PHACTR3: variants seen among roughly 807,000 people sequenced by gnomAD.
PHACTR3 encodes the protein protein phosphatase 1, regulatory subunit 123.
PHACTR3 carries 16 observed loss-of-function variants against 66.8 expected under a neutral mutation model. That is an observed-to-expected ratio of 0.24 (90% CI 0.16 to 0.36). The LOEUF is 0.36. PHACTR3 is among the 10% of genes least tolerant of loss of function. The pLI, the probability that PHACTR3 is intolerant of heterozygous loss-of-function variation, is 1.00. For synonymous variants in PHACTR3, 323 were observed against 292.1 expected, an observed-to-expected ratio of 1.11 and a Z score of -1.08; for missense variants, 647 against 719.9, an observed-to-expected ratio of 0.90 and a Z score of 1.16.
chr20:59,648,066 G>A (rs2035342536), intron 1 of PHACTR3, among the ~76,000 whole-genome samples: 1 of 152,178 alleles, frequency 6.6e-6, no homozygotes, highest in South Asian at 2.1e-4. Flanking sequence ...GGCTTTAGTT[G>A]CTGTTGAGAA....
At chr20:59,686,683 GTGA>G (rs537137674) in intron 1 of PHACTR3, among the ~76,000 whole-genome samples, 4,317 of 145,662 alleles carry the variant, frequency 0.03, 99 homozygotes, top group Middle Eastern at 0.06. Flanking sequence ...GATGATGATG[GTGA>G]TGATGATGAT....
In PHACTR3 at chr20:59,755,248, C is replaced by T; in HGVS notation, c.425C>T (p.Pro142Leu). 2 of 1,613,964 alleles carry T rather than the reference C, an allele frequency of 1.2e-6. No homozygotes were observed. The highest frequency in any genetic ancestry group is 1.7e-6 in the Non-Finnish European group (2 of 1,180,038). Residue 142 changes from proline to leucine, a missense_variant, in exon 4 of 13, where the codon CCC (proline) becomes CTC (leucine). Pro to Leu is a moderately conservative substitution (Grantham distance 98, BLOSUM62 -3). This residue lies in a region of PHACTR3 where 577 missense variants were observed against 571.1 expected (regional missense o/e 1.01). Transcript: ENST00000371015. ...PRSVQSEPPT[P>L]KSETLTSEDA... is the part of the protein sequence containing the mutation. ...TCTGTACAGAGTGAACCACCCACTC[C>T]CAAGTCGGAGACGCTGACTTCAGAA...
chr20:59,607,705 A>G (rs1480929629), intron 1 of PHACTR3, among the ~76,000 whole-genome samples: 2 of 152,124 alleles, frequency 1.3e-5, no homozygotes, highest in African/African-American at 4.8e-5. Flanking sequence ...GGAAAATGGC[A>G]TATGGGAATG....
intron 1 of PHACTR3, among the ~76,000 whole-genome samples, chr20:59,695,651 C>T (rs2037268618): frequency 6.6e-6 from 1 of 152,014 alleles, no homozygotes; most frequent in Non-Finnish European, 1.5e-5. Flanking sequence ...TGGGGTCAGG[C>T]ATTTTTCTCT....
At position 59,837,768 on chromosome 20, in the gene PHACTR3, C is replaced by G. The variant is rs535969411; in HGVS notation, c.1384+1208C>G. On this transcript the variant is annotated intron_variant, in intron 9 of 12. Coordinates refer to ENST00000371015, the MANE Select transcript of PHACTR3 (RefSeq NM_080672.5). ...ATGCTACTAAAAGTAGCAGTCCAGA[C>G]TTGAACCAGGCAAGTTCAAGACACA... 6.6e-5 allele frequency among the ~76,000 whole-genome samples: 10 copies of G among 152,328 alleles called. No homozygotes were observed. In the South Asian group the frequency reaches 1.9e-3, roughly 28 times the overall value.
At chr20:59,767,700 G>C (rs767453503) in intron 5 of PHACTR3, among the ~76,000 whole-genome samples, 3 of 152,236 alleles carry the variant, frequency 2.0e-5, no homozygotes, top group Non-Finnish European at 4.4e-5. Flanking sequence ...GGAGTCAAAG[G>C]GGGGATCTTC....
chr20:59,840,197 T>C lies in PHACTR3; in HGVS notation c.1385-172T>C, dbSNP rs376304250. Among the ~76,000 whole-genome samples the C allele has an allele frequency of 5.4e-4, 83 of 152,308 alleles. 1 individual carries two copies. In the South Asian group the frequency reaches 0.017, roughly 30 times the overall value. On this transcript the variant is annotated intron_variant, in intron 9 of 12. Transcript: ENST00000371015. ...CAAGTATTTCTGTGTAATGAGACCA[T>C]GATCTCCTGAGCAGTGACTGACAAA...
chr20:59,598,403 G>A (rs1029435433), intron 1 of PHACTR3, among the ~76,000 whole-genome samples: 1 of 152,182 alleles, frequency 6.6e-6, no homozygotes, highest in African/African-American at 2.4e-5. Context: ...GAGGCTCAGC[G>A]GGGCCACACA....
chr20:59,609,488 C>T (rs2033784438), intron 1 of PHACTR3, among the ~76,000 whole-genome samples: 1 of 149,966 alleles, frequency 6.7e-6, no homozygotes, highest in African/African-American at 2.5e-5. Flanking sequence ...CCACCCCCAC[C>T]CTCACCCCCA....
chr20:59,767,510 C>A, intron 5 of PHACTR3, 115 bp downstream of exon 5: 1 of 1,171,850 alleles, frequency 8.5e-7, no homozygotes, highest in Admixed American at 2.1e-5. Flanking sequence ...ATTCACTCAT[C>A]CATCCATCCA....
At position 59,736,549 on chromosome 20, in the gene PHACTR3, C is replaced by T. The variant is rs145310604; in HGVS notation, c.119-6558C>T. ...TCACCCGCCCACCCGTGTAGGTGCACACCCACCCATGCCCATGCATGCTGG... is the reference window on the plus strand; with the variant it reads ...TCACCCGCCCACCCGTGTAGGTGCATACCCACCCATGCCCATGCATGCTGG... On this transcript the variant is annotated intron_variant, in intron 1 of 12. Transcript: ENST00000371015. The surrounding 1 kb of genome is among the most constrained non-coding windows in gnomAD (Gnocchi z 4.6). Among the ~76,000 whole-genome samples, 7 of 151,802 alleles carry T rather than the reference C, an allele frequency of 4.6e-5. No homozygotes were observed. Among genetic ancestry groups the T allele is most frequent in the Non-Finnish European group, 7.4e-5 (5 of 67,894 alleles).
intron 1 of PHACTR3, among the ~76,000 whole-genome samples, chr20:59,634,360 T>G (rs2034774981): frequency 6.6e-6 from 1 of 152,224 alleles, no homozygotes; most frequent in East Asian, 1.9e-4. Flanking sequence ...ACTAGTAGTA[T>G]TAACCTGGTT....
intron 1 of PHACTR3, among the ~76,000 whole-genome samples, chr20:59,718,067 T>G (rs1482409229): frequency 2.6e-5 from 4 of 152,154 alleles, no homozygotes; most frequent in African/African-American, 9.7e-5. Context: ...ACCCAGAAGT[T>G]AGGTGGTCAA....
chr20:59,752,595 G>GAAAACCTGCAAGAAGTCCTTGCAGAAAA (rs1222035975), intron 3 of PHACTR3, among the ~76,000 whole-genome samples: 2 of 21,864 alleles, frequency 9.1e-5, no homozygotes, highest in Non-Finnish European at 1.3e-4. Flanking sequence ...CTGCAAGAAA[G>GAAAACCTGCAAGAAGTCCTTGCAGAAAA]CAGGGGAAGG....
intron 1 of PHACTR3, among the ~76,000 whole-genome samples, chr20:59,710,603 C>G (rs1317785471): frequency 1.3e-5 from 2 of 151,990 alleles, no homozygotes; most frequent in Non-Finnish European, 2.9e-5. Context: ...GGCACTTGAC[C>G]TCTTTCTACA....
At chr20:59,696,258 A>G (rs1198152558) in intron 1 of PHACTR3, among the ~76,000 whole-genome samples, 1 of 152,190 alleles carries the variant, frequency 6.6e-6, no homozygotes, top group Non-Finnish European at 1.5e-5. Context: ...GTCCAGAACA[A>G]CAGTAGATGG....
intron 1 of PHACTR3, among the ~76,000 whole-genome samples, chr20:59,636,587 TG>T (rs1025398032): frequency 1.1e-4 from 16 of 152,290 alleles, no homozygotes; most frequent in African/African-American, 3.6e-4. Context: ...GCTTACTGGC[TG>T]TGAGGCTCTG....
At chr20:59,704,227 T>C (rs1422422092) in intron 1 of PHACTR3, among the ~76,000 whole-genome samples, 1 of 152,228 alleles carries the variant, frequency 6.6e-6, no homozygotes. Context: ...CTTGTAATGA[T>C]GCATTTTTGT....
At chr20:59,641,998 C>T (rs192820020) in intron 1 of PHACTR3, among the ~76,000 whole-genome samples, 222 of 152,334 alleles carry the variant, frequency 1.5e-3, no homozygotes, top group African/African-American at 5.1e-3. Flanking sequence ...GTGGATGTCA[C>T]ATGGCTGTCC....
Sources: gnomAD v4.1 joint callset for allele counts (sites outside exome capture counted in the v4.1 genomes callset) on GRCh38, gnomAD v4.1.1 for gene constraint, gnomAD v4.1.1 regional missense constraint, Gnocchi (gnomAD v3.1) non-coding constraint, MANE v1.5 for transcripts, NCBI Gene and HGNC (gene_info 2026-07-23, HGNC 2026-07-21) for gene names.